Variants in PPP2R3C observed in about 807,000 individuals in gnomAD.
The protein encoded by PPP2R3C is serine/threonine-protein phosphatase 2A regulatory subunit B'' subunit gamma.
In PPP2R3C, 47 loss-of-function variants were observed where a neutral mutation model predicts 63.7. The observed-to-expected ratio is 0.74, with a 90% CI of 0.58 to 0.94. The LOEUF (loss-of-function observed/expected upper bound fraction) is 0.94, where lower values mean the gene tolerates loss of function less well. Ranked by LOEUF, PPP2R3C falls within the 40% of genes least tolerant of loss-of-function variation. The probability of loss-of-function intolerance (pLI) is 0.00; values close to 1 mark genes in which losing one functional copy is unlikely to be tolerated. For synonymous variants in PPP2R3C, 180 were observed against 177.4 expected (o/e 1.01, Z -0.12); for missense variants, 421 against 518.4 (o/e 0.81, Z 1.82).
At position 35,116,728 on chromosome 14, in the gene PPP2R3C, C is replaced by CTT; in HGVS notation, c.66_67dup (p.Ser23LysfsTer6). 1.9e-6 allele frequency: 3 copies of CTT among 1,561,284 alleles called. No homozygotes were observed. Among genetic ancestry groups the CTT allele is most frequent in the South Asian group, 1.2e-5 (1 of 85,756 alleles). ...TTCTTCATCTTTTAATTCTTGTTCA[C>CTT]TTTTTTTTTCTGGTAACAAAACAGA... On this transcript the variant is annotated frameshift_variant, in exon 2 of 13. Transcript: ENST00000261475. LOFTEE classifies it high-confidence loss of function.
chr14:35,110,102 T>C (rs1318137805), intron 3 of PPP2R3C, 171 bp from the exon 4 acceptor site: 8 of 551,376 alleles, frequency 1.5e-5, no homozygotes, highest in South Asian at 2.5e-5. Context: ...ATAACATTTA[T>C]TGAGTGCCTA....
At chr14:35,094,969 G>GT in intron 10 of PPP2R3C, 79 bp downstream of exon 10, 1 of 1,446,028 alleles carries the variant, frequency 6.9e-7, no homozygotes, top group Non-Finnish European at 9.6e-7. Flanking sequence ...AAAAAGGGCT[G>GT]TATTACATCA....
chr14:35,103,089 C>G (rs951131093), intron 6 of PPP2R3C, among the ~76,000 whole-genome samples: 2 of 152,168 alleles, frequency 1.3e-5, no homozygotes, highest in African/African-American at 4.8e-5. Flanking sequence ...ATCCTCCATA[C>G]AGCATCCAGA....
intron 6 of PPP2R3C, among the ~76,000 whole-genome samples, chr14:35,104,386 A>G (rs935691103): frequency 1.3e-5 from 2 of 152,254 alleles, no homozygotes; most frequent in South Asian, 2.1e-4. Context: ...AGCAGGAACC[A>G]TACGAACTAT....
chr14:35,100,076 T>A (rs1291271616), intron 6 of PPP2R3C: 1 of 152,200 alleles, frequency 6.6e-6, no homozygotes, highest in Non-Finnish European at 1.5e-5. Context: ...CAACATACCA[T>A]GAAAACTGCT....
intron 7 of PPP2R3C, 21 bp from the exon 8 acceptor site, chr14:35,096,785 A>C: frequency 6.5e-7 from 1 of 1,546,508 alleles, no homozygotes. Context: ...ATAAAGAAAC[A>C]CAATTAATTT....
chr14:35,099,339 AT>A lies in PPP2R3C; in HGVS notation c.618del (p.Gln206HisfsTer2), dbSNP rs775374610. 1 of 1,602,138 alleles carries A rather than the reference AT, an allele frequency of 6.2e-7. No individual in the cohort carries two copies. The highest frequency in any genetic ancestry group is 8.5e-7 in the Non-Finnish European group (1 of 1,177,456). ...YILELIPTLPQLDGLEKSFYS... is the reference protein window; with the variant it reads ...YILELIPTLPXLDGLEKSFYS... ...TAGAAAGATTTTTCCAGACCATCTA[AT>A]TGTGGCAACGTAGGGATAAGTTCCA... On this transcript the variant is annotated frameshift_variant, in exon 7 of 13. Coordinates refer to ENST00000261475, the MANE Select transcript of PPP2R3C (RefSeq NM_017917.4). LOFTEE classifies it high-confidence loss of function.
Position 35,095,039 on chromosome 14 carries a change from A to G in PPP2R3C, c.975+9T>C. 1 of 1,600,944 alleles carries G rather than the reference A, an allele frequency of 6.2e-7. No individual in the cohort carries two copies. The highest frequency in any genetic ancestry group is 8.6e-7 in the Non-Finnish European group (1 of 1,168,426). ...CTTTTAAAACTTAGCAGCAGATTTA[A>G]ACTACTACCATTTCTCCATCATAAG... is the stretch of plus-strand genomic sequence containing the variant. On this transcript the variant is annotated intron_variant, in intron 10 of 12. Transcript: ENST00000261475.
At chr14:35,097,575 T>C (rs940285913) in intron 7 of PPP2R3C, among the ~76,000 whole-genome samples, 5 of 151,250 alleles carry the variant, frequency 3.3e-5, no homozygotes, top group African/African-American at 9.7e-5. Flanking sequence ...CTCTGCCTCC[T>C]GGGTTCAAGC....
Position 35,095,033 on chromosome 14 carries a change from G to C in PPP2R3C, c.975+15C>G. ...CCTAAACTTTTAAAACTTAGCAGCA[G>C]ATTTAAACTACTACCATTTCTCCAT... On this transcript the variant is annotated intron_variant, in intron 10 of 12. Transcript: ENST00000261475. The C allele has an allele frequency of 6.3e-7, 1 of 1,597,272 alleles. No individual in the cohort carries two copies. Among genetic ancestry groups the C allele is most frequent in the South Asian group, 1.1e-5 (1 of 90,570 alleles).
chr14:35,117,106 T>C (rs1377893515), intron 1 of PPP2R3C: 1 of 455,864 alleles, frequency 2.2e-6, no homozygotes, highest in Non-Finnish European at 4.4e-6. Flanking sequence ...AGACACGGAA[T>C]GAGGGGTGAG....
At chr14:35,118,653 C>CTTTT (rs150866333) in intron 1 of PPP2R3C, among the ~76,000 whole-genome samples, 1 of 125,822 alleles carries the variant, frequency 7.9e-6, no homozygotes, top group African/African-American at 3.0e-5. Flanking sequence ...AGGTACCTTC[C>CTTTT]TTTTTTTTTT....
chr14:35,109,744 C>T (rs1386151108), intron 4 of PPP2R3C, 75 bp downstream of exon 4: 32 of 1,230,472 alleles, frequency 2.6e-5, no homozygotes, highest in Non-Finnish European at 3.5e-5. Context: ...GTGTGAGCCA[C>T]TGTGCCCAGC....
chr14:35,109,751 C>T, intron 4 of PPP2R3C, 68 bp downstream of exon 4: 1 of 1,284,898 alleles, frequency 7.8e-7, no homozygotes, highest in Non-Finnish European at 1.1e-6. Context: ...CCACTGTGCC[C>T]AGCCAATATT....
At chr14:35,090,328 G>A (rs558455258) in intron 11 of PPP2R3C, among the ~76,000 whole-genome samples, 131 of 137,010 alleles carry the variant, frequency 9.6e-4, no homozygotes, top group Non-Finnish European at 1.4e-3. Context: ...TGCAACCTCC[G>A]CCTCCTGGGT....
chr14:35,117,274 C>T, intron 1 of PPP2R3C: 1 of 414,518 alleles, frequency 2.4e-6, no homozygotes, highest in South Asian at 1.7e-5. Flanking sequence ...TGGCACGTGG[C>T]TGTCTCATTC....
At chr14:35,113,303 G>A (rs142561643) in intron 2 of PPP2R3C, among the ~76,000 whole-genome samples, 49 of 152,298 alleles carry the variant, frequency 3.2e-4, no homozygotes, top group African/African-American at 1.0e-3. Context: ...GGACCATGGA[G>A]AGGAAGAAGA....
At chr14:35,087,920 TG>T in intron 12 of PPP2R3C, 30 bp downstream of exon 12, 1 of 1,499,608 alleles carries the variant, frequency 6.7e-7, no homozygotes, top group Non-Finnish European at 9.3e-7. Flanking sequence ...CATAATTATC[TG>T]GTAATACGTA....
intron 2 of PPP2R3C, among the ~76,000 whole-genome samples, chr14:35,114,884 T>G (rs868085431): frequency 1.3e-5 from 2 of 151,998 alleles, no homozygotes; most frequent in South Asian, 2.1e-4. Flanking sequence ...TCCCAGCTAC[T>G]TAGGAGGGCT....
Sources: gnomAD v4.1 joint callset for allele counts (sites outside exome capture counted in the v4.1 genomes callset) on GRCh38, gnomAD v4.1.1 for gene constraint, MANE v1.5 for transcripts, NCBI Gene and HGNC (gene_info 2026-07-23, HGNC 2026-07-21) for gene names.